Variants in BRIP1 observed in about 807,000 individuals in gnomAD.
BRIP1 encodes the protein BRCA1 interacting DNA helicase 1.
A neutral mutation model predicts 119.7 loss-of-function variants in BRIP1; 88 were observed. The observed-to-expected ratio is 0.74, with a 90% CI of 0.62 to 0.88. BRIP1 has a LOEUF of 0.88. Ranked by LOEUF, BRIP1 falls within the 40% of genes least tolerant of loss-of-function variation. The pLI, the probability that BRIP1 is intolerant of heterozygous loss-of-function variation, is 0.00. For synonymous variants in BRIP1, 443 were observed against 496.5 expected, an observed-to-expected ratio of 0.89 and a Z score of 1.43; for missense variants, 1,259 against 1,455.4, an observed-to-expected ratio of 0.87 and a Z score of 2.20.
intron 3 of BRIP1, among the ~76,000 whole-genome samples, chr17:61,858,738 T>C (rs2145841942): frequency 6.6e-6 from 1 of 152,232 alleles, no homozygotes; most frequent in Admixed American, 6.5e-5. Flanking sequence ...TATATACACA[T>C]ACATACATAC....
chr17:61,741,141 T>C (rs575233162), intron 16 of BRIP1, among the ~76,000 whole-genome samples: 1 of 152,348 alleles, frequency 6.6e-6, no homozygotes, highest in Non-Finnish European at 1.5e-5. Flanking sequence ...ATAGTTCCTA[T>C]CTCAAGAAAC....
At chr17:61,791,217 G>A (rs2077810667) in intron 10 of BRIP1, among the ~76,000 whole-genome samples, 1 of 151,856 alleles carries the variant, frequency 6.6e-6, no homozygotes, top group South Asian at 2.1e-4. Flanking sequence ...AGCCAGGCAC[G>A]GTGACTCACA....
intron 16 of BRIP1, among the ~76,000 whole-genome samples, chr17:61,737,410 T>G (rs915031266): frequency 2.0e-5 from 3 of 152,128 alleles, no homozygotes; most frequent in African/African-American, 7.2e-5. Flanking sequence ...ATATCTAAAT[T>G]AAAGAGTTAC....
rs960703817 is a variant in BRIP1, at chr17:61,759,227, G to A, written c.2098-14636C>T. On this transcript the variant is annotated intron_variant, in intron 14 of 19. Transcript: ENST00000259008. The surrounding 1 kb of genome is among the most constrained non-coding windows in gnomAD (Gnocchi z 4.9). ...GCACAGAGGCTGAAAGTGAGCAGCT[G>A]AAAAAAGCTATTCAACAAAATGGAA... 6.6e-5 allele frequency among the ~76,000 whole-genome samples: 10 copies of A among 152,082 alleles called. No individual in the cohort carries two copies. The East Asian group carries it at 1.5e-3, about 23-fold the overall frequency.
In BRIP1 at chr17:61,713,609, C is replaced by T. The variant is rs1304929222; in HGVS notation, c.2492+2342G>A. Among the ~76,000 whole-genome samples the T allele has an allele frequency of 6.6e-6, 1 of 151,618 alleles. No homozygotes were observed. Among genetic ancestry groups the T allele is most frequent in the Non-Finnish European group, 1.5e-5 (1 of 67,960 alleles). The stretch of plus-strand genomic sequence containing the variant: ...TGATCTCGGCTCACTGCAGCCTCCA[C>T]CTCCCGGGTTCAAGTAATTCTCCTG... On this transcript the variant is annotated intron_variant, in intron 17 of 19. Transcript: ENST00000259008. This position sits in a 1 kb window ranked among gnomAD's most constrained non-coding sequence, Gnocchi z 4.9.
chr17:61,773,511 C>A (rs2077489331), intron 14 of BRIP1, among the ~76,000 whole-genome samples: 1 of 152,138 alleles, frequency 6.6e-6, no homozygotes, highest in Admixed American at 6.5e-5. Context: ...GCAAGGACTT[C>A]ATGACTAAAA....
At chr17:61,773,324 T>G (rs933445390) in intron 14 of BRIP1, among the ~76,000 whole-genome samples, 1 of 152,134 alleles carries the variant, frequency 6.6e-6, no homozygotes, top group Admixed American at 6.5e-5. Context: ...AATTCCCTAT[T>G]TAATAAGTGG....
chr17:61,766,712 G>T (rs770018827), intron 14 of BRIP1, among the ~76,000 whole-genome samples: 2 of 152,038 alleles, frequency 1.3e-5, no homozygotes, highest in Non-Finnish European at 2.9e-5. Flanking sequence ...ATTCAGTGAT[G>T]AATGTAAAAT....
chr17:61,696,083 A>G (rs1445533805), intron 17 of BRIP1, among the ~76,000 whole-genome samples: 1 of 152,116 alleles, frequency 6.6e-6, no homozygotes, highest in African/African-American at 2.4e-5. Context: ...AAGATTAAGT[A>G]TGATGTTAGC....
In BRIP1 at chr17:61,705,365, A is replaced by G. The variant is rs558750465; in HGVS notation, c.2492+10586T>C. 6.6e-6 allele frequency among the ~76,000 whole-genome samples: 1 copy of G among 152,156 alleles called. No individual in the cohort carries two copies. Among genetic ancestry groups the G allele is most frequent in the East Asian group, 1.9e-4 (1 of 5,184 alleles). ...GTTGATAGGTATTTGAGTTGCTTCT[A>G]TGCCTTTGCTTTTGTGAATTGTGCT... On this transcript the variant is annotated intron_variant, in intron 17 of 19. Coordinates refer to ENST00000259008, the MANE Select transcript of BRIP1 (RefSeq NM_032043.3). This position sits in a 1 kb window ranked among gnomAD's most constrained non-coding sequence, Gnocchi z 5.0.
Position 61,801,590 on chromosome 17 carries a change from G to A in BRIP1, c.919-116C>T, listed in dbSNP as rs942729105. On this transcript the variant is annotated intron_variant, in intron 7 of 19. Coordinates refer to ENST00000259008, the MANE Select transcript of BRIP1 (RefSeq NM_032043.3). ...AAAGCCACAAGGCTAAGATTTTACT[G>A]GCTACGCCACCACACCTGGCTAATT... is the stretch of plus-strand genomic sequence containing the variant. The A allele has an allele frequency of 1.5e-4, 143 of 982,344 alleles. No individual in the cohort carries two copies. In the East Asian group the frequency reaches 3.4e-3, roughly 24 times the overall value. The allele number at this position is 982,344 out of a possible 1,614,324, so 60.9% of individuals were successfully genotyped here. A position where few individuals can be genotyped will look rare whatever the true frequency, so the allele number is the denominator to read the frequency against.
At position 61,687,818 on chromosome 17, in the gene BRIP1, C is replaced by A. The variant is rs969423789; in HGVS notation, c.2576-1653G>T. On this transcript the variant is annotated intron_variant, in intron 18 of 19. Coordinates refer to ENST00000259008, the MANE Select transcript of BRIP1 (RefSeq NM_032043.3). This position sits in a 1 kb window ranked among gnomAD's most constrained non-coding sequence, Gnocchi z 5.1. ...GTCATGATCCCCACTTCAGAATATA[C>A]CTGGCTGCTTCTTCCTGGGGAGAAA... 1.3e-5 allele frequency among the ~76,000 whole-genome samples: 2 copies of A among 152,076 alleles called. No homozygotes were observed. Among genetic ancestry groups the A allele is most frequent in the African/African-American group, 4.8e-5 (2 of 41,390 alleles).
At chr17:61,750,330 T>C (rs1368922433) in intron 14 of BRIP1, among the ~76,000 whole-genome samples, 4 of 152,252 alleles carry the variant, frequency 2.6e-5, no homozygotes, top group African/African-American at 9.6e-5. Context: ...GTAAAAAGAA[T>C]GAAGTAACAC....
In BRIP1 at chr17:61,691,256, TA is replaced by T. The variant is rs147475618; in HGVS notation, c.2575+2173del. ...ATAATAATAAAAATAAAAATTAAAA[TA>T]AAAAAACTCAAACCAGGGAAAAAAA... On this transcript the variant is annotated intron_variant, in intron 18 of 19. Coordinates refer to ENST00000259008, the MANE Select transcript of BRIP1 (RefSeq NM_032043.3). This position sits in a 1 kb window ranked among gnomAD's most constrained non-coding sequence, Gnocchi z 5.0. 2.0e-5 allele frequency among the ~76,000 whole-genome samples: 3 copies of T among 148,826 alleles called. No homozygotes were observed. Among genetic ancestry groups the T allele is most frequent in the South Asian group, 2.1e-4 (1 of 4,718 alleles).
intron 17 of BRIP1, among the ~76,000 whole-genome samples, chr17:61,707,154 A>C (rs1167387020): frequency 3.3e-5 from 5 of 152,086 alleles, no homozygotes; most frequent in African/African-American, 1.2e-4. Flanking sequence ...GTTTATTGAT[A>C]GTTTGGCTCA....
In BRIP1 at chr17:61,776,264, A is replaced by T. The variant is rs1387210975; in HGVS notation, c.2097+137T>A. ...CAAAAAATAAGTAAAATAATATGTG[A>T]TGTTTAGAAAACTATAGTTATTACC... is the stretch of plus-strand genomic sequence containing the variant. On this transcript the variant is annotated intron_variant, in intron 14 of 19. Transcript: ENST00000259008. This position sits in a 1 kb window ranked among gnomAD's most constrained non-coding sequence, Gnocchi z 5.0. 1.5e-5 allele frequency: 13 copies of T among 882,930 alleles called. No homozygotes were observed. The highest frequency in any genetic ancestry group is 2.1e-5 in the Non-Finnish European group (12 of 562,686). 54.7% of individuals were successfully genotyped at this position (882,930 alleles called of 1,614,324 possible).
In BRIP1 at chr17:61,809,021, AT is replaced by A. The variant is rs1446322536; in HGVS notation, c.628-265del. Among the ~76,000 whole-genome samples the A allele has an allele frequency of 1.3e-5, 2 of 152,158 alleles. No homozygotes were observed. Among genetic ancestry groups the A allele is most frequent in the Admixed American group, 1.3e-4 (2 of 15,276 alleles). On this transcript the variant is annotated intron_variant, in intron 6 of 19. Transcript: ENST00000259008. The surrounding 1 kb of genome is among the most constrained non-coding windows in gnomAD (Gnocchi z 5.2). ...TACCACTCTAACTCTCCAATTCCAA[AT>A]GTTTTGAGTACATTTTAACTCTCCT...
At chr17:61,786,506 T>C (rs958308591) in intron 10 of BRIP1, among the ~76,000 whole-genome samples, 3 of 150,562 alleles carry the variant, frequency 2.0e-5, no homozygotes, top group African/African-American at 7.3e-5. Context: ...CCTAAAAATA[T>C]TGATAATCAT....
At chr17:61,819,586 G>A (rs1411982774) in intron 6 of BRIP1, among the ~76,000 whole-genome samples, 2 of 152,112 alleles carry the variant, frequency 1.3e-5, no homozygotes, top group Non-Finnish European at 2.9e-5. Flanking sequence ...CAACATAAAT[G>A]GAACTGGAGG....
Sources: gnomAD v4.1 joint callset for allele counts (sites outside exome capture counted in the v4.1 genomes callset) on GRCh38, gnomAD v4.1.1 for gene constraint, Gnocchi (gnomAD v3.1) non-coding constraint, MANE v1.5 for transcripts, NCBI Gene and HGNC (gene_info 2026-07-23, HGNC 2026-07-21) for gene names.